DPYD: variants seen among roughly 807,000 people sequenced by gnomAD.
The protein encoded by DPYD is dihydropyrimidine dehydrogenase [NADP(+)].
Under a neutral mutation model 116.2 loss-of-function variants are expected in DPYD, and 109 were observed. The observed-to-expected ratio is 0.94, with a 90% CI of 0.80 to 1.10. The LOEUF is 1.10. Ranked by LOEUF, DPYD falls within the 50% of genes least tolerant of loss-of-function variation. The pLI is 0.00. For synonymous variants in DPYD, 440 were observed against 432.0 expected (o/e 1.02, Z -0.23); for missense variants, 1,302 against 1,254.5 (o/e 1.04, Z -0.57).
At chr1:97,426,411 G>T (rs144047423) in intron 14 of DPYD, among the ~76,000 whole-genome samples, 388 of 152,146 alleles carry the variant, frequency 2.6e-3, no homozygotes, top group African/African-American at 9.1e-3. Context: ...TATACCAAAG[G>T]TCTCATGAAT....
At chr1:97,288,274 C>G (rs942386797) in intron 18 of DPYD, among the ~76,000 whole-genome samples, 6 of 121,422 alleles carry the variant, frequency 4.9e-5, no homozygotes, top group Non-Finnish European at 8.0e-5. Context: ...TTAGACAGAT[C>G]AACGAGACAG....
chr1:97,612,788 C>T (rs546961663), intron 8 of DPYD, among the ~76,000 whole-genome samples: 1 of 152,086 alleles, frequency 6.6e-6, no homozygotes. Context: ...TCTTCAATCC[C>T]TCATCCTCTA....
At chr1:97,698,773 T>C (rs140937929) in intron 6 of DPYD, among the ~76,000 whole-genome samples, 99 of 152,046 alleles carry the variant, frequency 6.5e-4, no homozygotes, top group African/African-American at 2.2e-3. Context: ...GTGTCCCGTA[T>C]AGAGTTCTGT....
intron 16 of DPYD, among the ~76,000 whole-genome samples, chr1:97,365,636 A>G (rs1408046840): frequency 6.6e-6 from 1 of 152,180 alleles, no homozygotes; most frequent in Non-Finnish European, 1.5e-5. Context: ...AGTTAAAAAA[A>G]TCCATAGTTA....
chr1:97,258,728 A>G (rs534063561), intron 18 of DPYD, among the ~76,000 whole-genome samples: 23 of 152,212 alleles, frequency 1.5e-4, no homozygotes, highest in African/African-American at 5.3e-4. Context: ...GGCCTCTGAG[A>G]ATTTTGAGCA....
At chr1:97,659,592 A>T (rs541714556) in intron 8 of DPYD, among the ~76,000 whole-genome samples, 7 of 152,268 alleles carry the variant, frequency 4.6e-5, no homozygotes, top group Non-Finnish European at 1.0e-4. Flanking sequence ...ATCAGTACTC[A>T]CTTCTTCCTT....
chr1:97,661,446 T>G (rs939981789), intron 8 of DPYD, among the ~76,000 whole-genome samples: 2 of 152,170 alleles, frequency 1.3e-5, no homozygotes, highest in African/African-American at 4.8e-5. Context: ...TTTCCTCCCC[T>G]ACTTTAGGAG....
chr1:97,208,982 T>C (rs1042190291), intron 19 of DPYD, among the ~76,000 whole-genome samples: 3 of 152,034 alleles, frequency 2.0e-5, no homozygotes, highest in African/African-American at 7.2e-5. Context: ...GTGTTCCATA[T>C]TGACTAATTT....
chr1:97,611,430 C>T (rs1186161786), intron 8 of DPYD, among the ~76,000 whole-genome samples: 2 of 151,738 alleles, frequency 1.3e-5, no homozygotes, highest in South Asian at 4.2e-4. Context: ...TGAGTTTATA[C>T]AAAAATGCAC....
At chr1:97,541,938 G>T (rs916304594) in intron 12 of DPYD, among the ~76,000 whole-genome samples, 1 of 152,014 alleles carries the variant, frequency 6.6e-6, no homozygotes, top group Non-Finnish European at 1.5e-5. Context: ...AACAATTAAG[G>T]TGAAGTCATA....
Position 97,450,171 on chromosome 1 carries a change from G to C in DPYD, c.1793C>G (p.Pro598Arg). The C allele has an allele frequency of 6.2e-7, 1 of 1,613,850 alleles. No homozygotes were observed. The highest frequency in any genetic ancestry group is 1.7e-5 in the Admixed American group (1 of 59,952). Residue 598 changes from proline to arginine, a missense_variant, in exon 14 of 23, where the codon CCC (proline) becomes CGC (arginine). Transcript: ENST00000370192. ...GGAGCTTTGTCCAGGGCCATACATG[G>C]GGCCAGAGGTGGTTCCCCGGATGAT... ...PRIIRGTTSG[P>R]MYGPGQSSFL... is the part of the protein sequence containing the mutation.
intron 1 of DPYD, among the ~76,000 whole-genome samples, chr1:97,891,613 G>A (rs1672780499): frequency 6.6e-6 from 1 of 151,788 alleles, no homozygotes; most frequent in South Asian, 2.1e-4. Flanking sequence ...TCTAAAGAGA[G>A]TTTTTCTGTA....
intron 1 of DPYD, among the ~76,000 whole-genome samples, chr1:97,894,363 T>C (rs546477886): frequency 1.3e-4 from 19 of 151,910 alleles, no homozygotes; most frequent in African/African-American, 4.3e-4. Flanking sequence ...GTCTTCAACA[T>C]ATGAATTTTG....
At chr1:97,352,982 C>A (rs991596334) in intron 16 of DPYD, among the ~76,000 whole-genome samples, 2 of 151,646 alleles carry the variant, frequency 1.3e-5, no homozygotes, top group African/African-American at 4.9e-5. Flanking sequence ...GTGGGGGAGC[C>A]CATGAAGGCA....
chr1:97,145,751 T>C (rs828055), intron 20 of DPYD, among the ~76,000 whole-genome samples: 26,818 of 151,110 alleles, frequency 0.18, 2,534 homozygotes, highest in East Asian at 0.29. Flanking sequence ...GGGTTTTTTT[T>C]TTTTTTTTTG....
chr1:97,368,089 G>A (rs962776152), intron 16 of DPYD, among the ~76,000 whole-genome samples: 1 of 152,034 alleles, frequency 6.6e-6, no homozygotes, highest in African/African-American at 2.4e-5. Flanking sequence ...TAAATTCCAA[G>A]CAGAAGGAAT....
At chr1:97,740,836 T>C (rs1664225547) in intron 3 of DPYD, among the ~76,000 whole-genome samples, 1 of 152,196 alleles carries the variant, frequency 6.6e-6, no homozygotes, top group South Asian at 2.1e-4. Flanking sequence ...ATAAGGTTTG[T>C]AATTCTTTTA....
intron 8 of DPYD, among the ~76,000 whole-genome samples, chr1:97,646,661 C>T (rs1658280152): frequency 6.6e-6 from 1 of 151,666 alleles, no homozygotes; most frequent in East Asian, 1.9e-4. Context: ...GCCTCTTTTC[C>T]ATAAATTTTC....
chr1:97,742,602 G>A (rs79112588), intron 3 of DPYD, among the ~76,000 whole-genome samples: 6,018 of 151,908 alleles, frequency 0.04, 213 homozygotes, highest in African/African-American at 0.094. Context: ...TAATTTCTTC[G>A]AAGTATAATC....
Sources: gnomAD v4.1 joint callset for allele counts (sites outside exome capture counted in the v4.1 genomes callset) on GRCh38, gnomAD v4.1.1 for gene constraint, MANE v1.5 for transcripts, NCBI Gene and HGNC (gene_info 2026-07-23, HGNC 2026-07-21) for gene names.